Variants in PATJ observed in about 807,000 individuals in gnomAD.
The protein encoded by PATJ is inaD-like protein.
A neutral mutation model predicts 224.9 loss-of-function variants in PATJ; 190 were observed. The observed-to-expected ratio is 0.84, with a 90% CI of 0.75 to 0.95. The LOEUF is 0.95. Ranked by LOEUF, PATJ falls within the 40% of genes least tolerant of loss-of-function variation. The probability of loss-of-function intolerance (pLI) is 0.00; values close to 1 mark genes in which losing one functional copy is unlikely to be tolerated. For missense variants in PATJ, 2,121 were observed against 2,270.3 expected (o/e 0.93, Z 1.34); for synonymous variants, 769 against 820.3 (o/e 0.94, Z 1.07).
intron 8 of PATJ, among the ~76,000 whole-genome samples, chr1:61,790,734 C>T (rs1323266461): frequency 6.6e-6 from 1 of 151,788 alleles, no homozygotes; most frequent in East Asian, 1.9e-4. Context: ...GGCTGGTCTC[C>T]AACTCCTGAC....
chr1:61,898,256 T>A (rs1350078307), intron 22 of PATJ, among the ~76,000 whole-genome samples: 1 of 152,220 alleles, frequency 6.6e-6, no homozygotes, highest in Non-Finnish European at 1.5e-5. Flanking sequence ...GATTTTTGTT[T>A]TTGAGACAGG....
At chr1:62,009,957 C>T (rs1445319740) in intron 28 of PATJ, among the ~76,000 whole-genome samples, 2 of 151,530 alleles carry the variant, frequency 1.3e-5, no homozygotes, top group African/African-American at 4.9e-5. Context: ...GTGGTGGGCG[C>T]CTGTAATCCC....
chr1:61,893,788 GAAAA>G (rs1204553317), intron 22 of PATJ, among the ~76,000 whole-genome samples: 3 of 127,528 alleles, frequency 2.4e-5, no homozygotes, highest in Non-Finnish European at 3.4e-5. Context: ...CAAAACAAGA[GAAAA>G]AAAAAAAGAA....
intron 27 of PATJ, among the ~76,000 whole-genome samples, chr1:61,981,741 G>A (rs1351705817): frequency 3.3e-5 from 5 of 150,964 alleles, no homozygotes; most frequent in Non-Finnish European, 1.5e-5. Flanking sequence ...ACACAATCTC[G>A]GCTTAGTGCA....
intron 28 of PATJ, among the ~76,000 whole-genome samples, chr1:62,008,433 G>T (rs896128634): frequency 3.3e-5 from 5 of 152,200 alleles, no homozygotes; most frequent in Non-Finnish European, 5.9e-5. Flanking sequence ...CTTGATGAAT[G>T]TGGGAAAAAG....
intron 27 of PATJ, among the ~76,000 whole-genome samples, chr1:61,952,571 G>A (rs1285086722): frequency 2.6e-5 from 4 of 152,216 alleles, no homozygotes; most frequent in African/African-American, 9.7e-5. Flanking sequence ...TGTGCAAGGT[G>A]ATTGTACATT....
At chr1:61,871,435 G>GTATA (rs72255413) in intron 20 of PATJ, among the ~76,000 whole-genome samples, 1 of 72,154 alleles carries the variant, frequency 1.4e-5, no homozygotes, top group African/African-American at 5.3e-5. Flanking sequence ...ACATATATAT[G>GTATA]TGTATATACA....
intron 28 of PATJ, among the ~76,000 whole-genome samples, chr1:62,010,437 CT>C (rs1415880855): frequency 4.0e-5 from 6 of 151,824 alleles, no homozygotes; most frequent in Non-Finnish European, 8.8e-5. Flanking sequence ...AAAAAACCCC[CT>C]CCCCACCCCG....
chr1:61,901,869 T>C lies in PATJ; in HGVS notation c.3381+410T>C, dbSNP rs563945591. 4.6e-5 allele frequency among the ~76,000 whole-genome samples: 7 copies of C among 152,252 alleles called. No individual in the cohort carries two copies. In the East Asian group the frequency reaches 1.2e-3, roughly 25 times the overall value. On this transcript the variant is annotated intron_variant, in intron 24 of 43. Transcript: ENST00000642238. ...GTTGACCCTGGAAGGTTGAAGACTC[T>C]ATTGGGTGAGGGGAGGATCCATGAT...
intron 27 of PATJ, among the ~76,000 whole-genome samples, chr1:61,962,718 G>A (rs1029302105): frequency 3.3e-5 from 5 of 152,206 alleles, no homozygotes; most frequent in African/African-American, 1.2e-4. Context: ...TATTCTAGAG[G>A]ACAGAAGTTT....
chr1:62,131,247 G>C (rs1410496283), intron 41 of PATJ, among the ~76,000 whole-genome samples: 1 of 152,096 alleles, frequency 6.6e-6, no homozygotes, highest in Non-Finnish European at 1.5e-5. Flanking sequence ...CAAATCCTTT[G>C]CTTTCTGAAA....
At chr1:61,841,601 T>TTC (rs1480747204) in intron 17 of PATJ, among the ~76,000 whole-genome samples, 1 of 1,122 alleles carries the variant, frequency 8.9e-4, no homozygotes, top group Admixed American at 0.021. Context: ...TTCTCTTGCC[T>TTC]TTTTTTTTTT....
rs554545090 is a variant in PATJ, at chr1:62,134,023, G to T, written c.5271+5078G>T. Among the ~76,000 whole-genome samples the T allele has an allele frequency of 3.5e-3, 532 of 152,106 alleles. 2 individuals are homozygous for T. Among genetic ancestry groups the T allele is most frequent in the African/African-American group, 0.013 (521 of 41,516 alleles). Reference sequence around the variant, plus strand: ...GGCCTCCCACAGTGCTGAGATTACAGGTGTGAGCCACCGTGCCCAGCCAAT... The same window carrying T: ...GGCCTCCCACAGTGCTGAGATTACATGTGTGAGCCACCGTGCCCAGCCAAT... On this transcript the variant is annotated intron_variant, in intron 41 of 43. Coordinates refer to ENST00000642238, the MANE Select transcript of PATJ (RefSeq NM_001350145.3).
At chr1:62,037,152 A>T (rs12098048) in intron 29 of PATJ, among the ~76,000 whole-genome samples, 91,109 of 151,840 alleles carry the variant, frequency 0.6, 27,988 homozygotes, top group African/African-American at 0.72. Context: ...GGAAGCATTG[A>T]TTGTGAGCTT....
chr1:61,905,817 C>T (rs1027697543), intron 24 of PATJ, among the ~76,000 whole-genome samples: 1 of 152,126 alleles, frequency 6.6e-6, no homozygotes. Context: ...GGTTTACCCC[C>T]ATACACTAAG....
At chr1:61,805,248 C>G (rs1653293794) in intron 12 of PATJ, among the ~76,000 whole-genome samples, 200 bp from the exon 13 acceptor site, 1 of 152,142 alleles carries the variant, frequency 6.6e-6, no homozygotes. Context: ...CACAGCTGAT[C>G]TTTACATTTT....
At chr1:62,020,823 A>C (rs1647034674) in intron 29 of PATJ, among the ~76,000 whole-genome samples, 1 of 152,060 alleles carries the variant, frequency 6.6e-6, no homozygotes, top group African/African-American at 2.4e-5. Context: ...AAATTCATTC[A>C]TTCATTCATT....
intron 25 of PATJ, among the ~76,000 whole-genome samples, chr1:61,910,536 CTTTTTT>C (rs71050181): frequency 0.022 from 931 of 42,214 alleles, 9 homozygotes; most frequent in African/African-American, 0.075. Flanking sequence ...CAAAGTGACT[CTTTTTT>C]TTTTTTTTTT....
chr1:61,750,865 G>A (rs1168641061), intron 1 of PATJ, among the ~76,000 whole-genome samples: 2 of 152,114 alleles, frequency 1.3e-5, no homozygotes, highest in African/African-American at 4.8e-5. Context: ...CATTTTTAAA[G>A]TAGTTATCTA....
Sources: gnomAD v4.1 joint callset for allele counts (sites outside exome capture counted in the v4.1 genomes callset) on GRCh38, gnomAD v4.1.1 for gene constraint, MANE v1.5 for transcripts, NCBI Gene and HGNC (gene_info 2026-07-23, HGNC 2026-07-21) for gene names.